The following GHR variants were observed in gnomAD, a reference collection of about 807,000 sequenced individuals.
GHR encodes growth hormone receptor.
A neutral mutation model predicts 67.1 loss-of-function variants in GHR; 35 were observed. The observed-to-expected ratio is 0.52, with a 90% confidence interval of 0.40 to 0.69. The LOEUF (loss-of-function observed/expected upper bound fraction) is 0.69, where lower values mean the gene tolerates loss of function less well. GHR is among the 30% of genes least tolerant of loss of function. GHR has a pLI of 0.00. For missense variants in GHR, 792 were observed against 764.6 expected (o/e 1.04, Z -0.42); for synonymous variants, 272 against 269.1 (o/e 1.01, Z -0.10).
At chr5:42,587,799 C>G (rs1046118503) in intron 2 of GHR, among the ~76,000 whole-genome samples, 1 of 152,006 alleles carries the variant, frequency 6.6e-6, no homozygotes, top group African/African-American at 2.4e-5. Flanking sequence ...GGACCATATG[C>G]CCTCCCCGGA....
At chr5:42,710,236 A>C (rs1758388155) in intron 6 of GHR, among the ~76,000 whole-genome samples, 1 of 152,182 alleles carries the variant, frequency 6.6e-6, no homozygotes, top group Admixed American at 6.5e-5. Context: ...AGGTAAAAGA[A>C]AAACTTGTTT....
At chr5:42,475,307 G>C (rs1020686885) in intron 1 of GHR, among the ~76,000 whole-genome samples, 1 of 152,166 alleles carries the variant, frequency 6.6e-6, no homozygotes, top group African/African-American at 2.4e-5. Context: ...AATGAAGGCA[G>C]TAGAGATTTG....
intron 9 of GHR, 45 bp downstream of exon 9, chr5:42,718,166 C>T (rs1758814571): frequency 1.1e-6 from 1 of 918,790 alleles, no homozygotes; most frequent in East Asian, 2.4e-5. Flanking sequence ...CTAATTAACA[C>T]CTGAAGACTC....
rs564874623 is a variant in GHR, at chr5:42,638,227, A to G, written c.136+9124A>G. On this transcript the variant is annotated intron_variant, in intron 3 of 9. Transcript: ENST00000230882. Reference sequence around the variant, plus strand: ...TACTATACTGCCCCCTCAGTATAATATAGTATTTTAAGGAACTAATCATCA... The same window carrying G: ...TACTATACTGCCCCCTCAGTATAATGTAGTATTTTAAGGAACTAATCATCA... Among the ~76,000 whole-genome samples, 3 of 151,938 alleles carry G rather than the reference A, an allele frequency of 2.0e-5. No homozygotes were observed. In the South Asian group the frequency reaches 6.2e-4, roughly 31 times the overall value.
chr5:42,687,267 G>A (rs927241428), intron 3 of GHR, among the ~76,000 whole-genome samples: 1 of 152,238 alleles, frequency 6.6e-6, no homozygotes, highest in South Asian at 2.1e-4. Context: ...TAGATTCAAT[G>A]CTATCCCCAT....
At chr5:42,488,580 T>C (rs538133400) in intron 1 of GHR, among the ~76,000 whole-genome samples, 249 of 152,326 alleles carry the variant, frequency 1.6e-3, no homozygotes, top group South Asian at 3.9e-3. Flanking sequence ...AGGGTTTTGA[T>C]TGATGTATTG....
At chr5:42,498,400 A>T (rs1180922275) in intron 1 of GHR, among the ~76,000 whole-genome samples, 2 of 152,202 alleles carry the variant, frequency 1.3e-5, no homozygotes, top group African/African-American at 4.8e-5. Flanking sequence ...ACTTTATATT[A>T]GTAATTATGA....
chr5:42,593,131 A>T (rs1220871901), intron 2 of GHR, among the ~76,000 whole-genome samples: 1 of 152,202 alleles, frequency 6.6e-6, no homozygotes, highest in African/African-American at 2.4e-5. Flanking sequence ...CGATTTTTTA[A>T]AAAACCTTAT....
At chr5:42,698,268 A>T (rs1757772271) in intron 5 of GHR, among the ~76,000 whole-genome samples, 1 of 152,210 alleles carries the variant, frequency 6.6e-6, no homozygotes, top group Non-Finnish European at 1.5e-5. Flanking sequence ...TTATGCCTGT[A>T]ATGGTGGTAC....
At chr5:42,456,225 C>A (rs536767254) in intron 1 of GHR, among the ~76,000 whole-genome samples, 1 of 152,182 alleles carries the variant, frequency 6.6e-6, no homozygotes, top group Non-Finnish European at 1.5e-5. Context: ...GCAGGAGAAT[C>A]GCTTGAACCT....
At chr5:42,456,481 T>C (rs1744267063) in intron 1 of GHR, among the ~76,000 whole-genome samples, 1 of 152,138 alleles carries the variant, frequency 6.6e-6, no homozygotes, top group Non-Finnish European at 1.5e-5. Context: ...TCTCCAGGCA[T>C]GGGTATAGTG....
At chr5:42,453,767 G>A (rs1561311969) in intron 1 of GHR, among the ~76,000 whole-genome samples, 2 of 152,188 alleles carry the variant, frequency 1.3e-5, no homozygotes, top group Non-Finnish European at 1.5e-5. Flanking sequence ...GTGTGTTCCT[G>A]TGGGGGAAGC....
chr5:42,528,845 T>C lies in GHR; in HGVS notation c.-11-37019T>C, dbSNP rs543083074. ...CATGATCACTCAGAAGGTGTCAACA[T>C]TGAGACAAGACTCTCCACCGGCAAA... On this transcript the variant is annotated intron_variant, in intron 1 of 9. Coordinates refer to ENST00000230882, the MANE Select transcript of GHR (RefSeq NM_000163.5). Among the ~76,000 whole-genome samples the C allele has an allele frequency of 3.9e-4, 60 of 152,266 alleles. 1 individual carries two copies. Among genetic ancestry groups the C allele is most frequent in the African/African-American group, 1.4e-3 (59 of 41,556 alleles).
intron 3 of GHR, among the ~76,000 whole-genome samples, chr5:42,667,698 C>T (rs930993802): frequency 4.6e-5 from 7 of 152,162 alleles, no homozygotes; most frequent in African/African-American, 7.2e-5. Flanking sequence ...AGTTTTAATG[C>T]GCATACAGAT....
chr5:42,427,580 T>G (rs1742909002), intron 1 of GHR, among the ~76,000 whole-genome samples: 1 of 152,150 alleles, frequency 6.6e-6, no homozygotes. Flanking sequence ...TAGCCCCTCC[T>G]AAATCTCATG....
intron 3 of GHR, among the ~76,000 whole-genome samples, chr5:42,635,413 T>C (rs912564618): frequency 1.3e-5 from 2 of 152,230 alleles, no homozygotes; most frequent in Non-Finnish European, 2.9e-5. Flanking sequence ...ATATTGCCAA[T>C]GCAATGAGTT....
intron 9 of GHR, 128 bp from the exon 10 acceptor site, chr5:42,718,325 G>GTTT (rs3834253): frequency 2.8e-4 from 218 of 765,934 alleles, no homozygotes; most frequent in East Asian, 6.5e-4. Flanking sequence ...ACTAATTTAT[G>GTTT]TTTTTTTATA....
chr5:42,469,891 G>T (rs890611749), intron 1 of GHR, among the ~76,000 whole-genome samples: 4 of 152,030 alleles, frequency 2.6e-5, no homozygotes, highest in African/African-American at 9.7e-5. Context: ...ACACTTAACG[G>T]AGTGGGGACA....
At position 42,711,356 on chromosome 5, in the gene GHR, A is replaced by G. The variant is rs752220362; in HGVS notation, c.768A>G (p.Gln256=). 2.5e-6 allele frequency: 4 copies of G among 1,611,272 alleles called. No individual in the cohort carries two copies. The highest frequency in any genetic ancestry group is 2.5e-6 in the Non-Finnish European group (3 of 1,177,496). The part of the protein sequence containing the change: ...VLYVTLPQMS[Q]FTCEEDFYFP... The stretch of plus-strand genomic sequence containing the variant: ...ATGTAACACTTCCTCAGATGAGCCA[A>G]TTTACATGTGAAGAAGGTAAAAGAA... Residue 256 remains glutamine, a synonymous_variant, in exon 7 of 10, where the codon CAA becomes CAG. Coordinates refer to ENST00000230882, the MANE Select transcript of GHR (RefSeq NM_000163.5).
Sources: allele counts gnomAD v4.1 joint callset (sites outside exome capture counted in the v4.1 genomes callset), GRCh38; gene constraint gnomAD v4.1.1; transcripts MANE v1.5; gene names NCBI Gene and HGNC (gene_info 2026-07-23, HGNC 2026-07-21).